Variants in AUTS2 observed in about 807,000 individuals in gnomAD.
The protein encoded by AUTS2 is activator of transcription and developmental regulator AUTS2.
In AUTS2, 17 loss-of-function variants were observed where a neutral mutation model predicts 112.4. The observed-to-expected ratio is 0.15, with a 90% CI of 0.10 to 0.23. AUTS2 has a LOEUF of 0.23. Among genes scored for constraint, AUTS2 ranks in the 10% least tolerant of loss-of-function variants. AUTS2 has a pLI of 1.00. For synonymous variants in AUTS2, 751 were observed against 702.7 expected (o/e 1.07, Z -1.09); for missense variants, 1,510 against 1,701.6 (o/e 0.89, Z 1.98).
At chr7:70,488,109 C>T (rs1798087000) in intron 5 of AUTS2, among the ~76,000 whole-genome samples, 1 of 152,222 alleles carries the variant, frequency 6.6e-6, no homozygotes, top group Non-Finnish European at 1.5e-5. Flanking sequence ...CTAGCAAGCT[C>T]ACAGGCAGCC....
intron 2 of AUTS2, among the ~76,000 whole-genome samples, chr7:70,114,460 C>T (rs762548549): frequency 1.3e-5 from 2 of 152,158 alleles, no homozygotes; most frequent in Non-Finnish European, 2.9e-5. Context: ...AGTTATGCTA[C>T]CCCAAACGAT....
chr7:69,774,360 A>G (rs1366394765), intron 1 of AUTS2, among the ~76,000 whole-genome samples: 1 of 152,218 alleles, frequency 6.6e-6, no homozygotes, highest in Non-Finnish European at 1.5e-5. Context: ...TGATTGTGCC[A>G]CTGTACTCCA....
At chr7:69,673,224 G>A (rs1796417024) in intron 1 of AUTS2, among the ~76,000 whole-genome samples, 2 of 152,274 alleles carry the variant, frequency 1.3e-5, no homozygotes, top group Admixed American at 1.3e-4. Context: ...CACAGAAGGA[G>A]ACTGTCTGGT....
At chr7:70,757,807 CTTTTT>C (rs3974412) in intron 6 of AUTS2, among the ~76,000 whole-genome samples, 3 of 60,526 alleles carry the variant, frequency 5.0e-5, no homozygotes, top group African/African-American at 1.3e-4. Flanking sequence ...TCCATGGCTT[CTTTTT>C]TTTTTTTTTT....
At chr7:70,319,624 G>C (rs1254421732) in intron 4 of AUTS2, among the ~76,000 whole-genome samples, 2 of 152,128 alleles carry the variant, frequency 1.3e-5, no homozygotes, top group Non-Finnish European at 2.9e-5. Context: ...AAACAAATTA[G>C]GGTCTCAGCC....
At chr7:70,750,565 T>A (rs536609928) in intron 6 of AUTS2, among the ~76,000 whole-genome samples, 3 of 152,016 alleles carry the variant, frequency 2.0e-5, no homozygotes, top group South Asian at 2.1e-4. Context: ...CATGCCCGGA[T>A]AACTTTTGTA....
chr7:70,587,912 C>T (rs944182857), intron 5 of AUTS2, among the ~76,000 whole-genome samples: 3 of 152,120 alleles, frequency 2.0e-5, no homozygotes, highest in Non-Finnish European at 4.4e-5. Flanking sequence ...CTACCAGGTG[C>T]CAGAACTGGA....
chr7:70,160,952 A>G (rs534596545), intron 4 of AUTS2, among the ~76,000 whole-genome samples: 1 of 152,152 alleles, frequency 6.6e-6, no homozygotes, highest in Admixed American at 6.5e-5. Flanking sequence ...ATTGCATGCA[A>G]ATTTCAACTC....
intron 1 of AUTS2, among the ~76,000 whole-genome samples, chr7:69,694,322 A>G (rs1047410486): frequency 2.6e-5 from 4 of 152,002 alleles, no homozygotes; most frequent in South Asian, 2.1e-4. Flanking sequence ...TTTTTTTTCT[A>G]CTTTTTAAAA....
intron 4 of AUTS2, among the ~76,000 whole-genome samples, chr7:70,260,661 T>C (rs117658709): frequency 0.014 from 2,071 of 152,156 alleles, 22 homozygotes; most frequent in Non-Finnish European, 0.021. Flanking sequence ...ATTTAAACGA[T>C]AGCATATATA....
intron 1 of AUTS2, among the ~76,000 whole-genome samples, chr7:69,693,352 C>A (rs772164242): frequency 1.3e-5 from 2 of 152,082 alleles, no homozygotes; most frequent in Non-Finnish European, 2.9e-5. Flanking sequence ...ATACTTGGTG[C>A]CAAAAGGAAA....
intron 1 of AUTS2, among the ~76,000 whole-genome samples, chr7:69,860,300 A>T (rs966395448): frequency 9.9e-5 from 15 of 152,154 alleles, no homozygotes; most frequent in Non-Finnish European, 2.1e-4. Flanking sequence ...CACCATGGTG[A>T]TATCTGAAGG....
At chr7:70,588,661 A>G (rs961323979) in intron 5 of AUTS2, among the ~76,000 whole-genome samples, 8 of 152,212 alleles carry the variant, frequency 5.3e-5, no homozygotes, top group Admixed American at 2.6e-4. Flanking sequence ...AAGACTGAAT[A>G]AAGTTTAGGA....
In AUTS2 at chr7:69,778,505, A is replaced by G. The variant is rs954456747; in HGVS notation, c.310-120781A>G. Reference sequence around the variant, plus strand: ...TTTTAAAGCTCCCCAGATAGTTGTAATGTGCAGTAAGGTTTGGGACTTACT... The same window carrying G: ...TTTTAAAGCTCCCCAGATAGTTGTAGTGTGCAGTAAGGTTTGGGACTTACT... On this transcript the variant is annotated intron_variant, in intron 1 of 18. Transcript: ENST00000342771. Among the ~76,000 whole-genome samples, 8 of 152,204 alleles carry G rather than the reference A, an allele frequency of 5.3e-5. 1 individual carries two copies. The highest frequency in any genetic ancestry group is 1.9e-4 in the African/African-American group (8 of 41,524).
At chr7:70,434,771 T>A (rs1324029423) in intron 4 of AUTS2, among the ~76,000 whole-genome samples, 1 of 152,172 alleles carries the variant, frequency 6.6e-6, no homozygotes, top group East Asian at 1.9e-4. Context: ...GAAGGCTCCT[T>A]TAGAGCCAGG....
intron 5 of AUTS2, among the ~76,000 whole-genome samples, chr7:70,613,579 CAGTA>C (rs1261087565): frequency 1.3e-5 from 2 of 152,088 alleles, no homozygotes; most frequent in Non-Finnish European, 2.9e-5. Flanking sequence ...TGGATGGCCT[CAGTA>C]AGTCCCACTG....
At chr7:69,889,748 G>A (rs1018176596) in intron 1 of AUTS2, among the ~76,000 whole-genome samples, 1 of 152,170 alleles carries the variant, frequency 6.6e-6, no homozygotes, top group African/African-American at 2.4e-5. Flanking sequence ...TAGTGGATTA[G>A]ATTTAAGTGG....
intron 2 of AUTS2, among the ~76,000 whole-genome samples, chr7:70,081,935 AGTGTGTGTGT>A (rs3049737): frequency 5.4e-5 from 8 of 146,880 alleles, no homozygotes; most frequent in East Asian, 2.0e-4. Flanking sequence ...TTCTGTGAAG[AGTGTGTGTGT>A]GTGTGTGTGT....
chr7:70,523,472 T>G (rs1407785029), intron 5 of AUTS2, among the ~76,000 whole-genome samples: 1 of 152,182 alleles, frequency 6.6e-6, no homozygotes, highest in Admixed American at 6.5e-5. Context: ...GAAGTGCAAG[T>G]GGTAAAGTTG....
Sources: allele counts gnomAD v4.1 joint callset (sites outside exome capture counted in the v4.1 genomes callset), GRCh38; gene constraint gnomAD v4.1.1; transcripts MANE v1.5; gene names NCBI Gene and HGNC (gene_info 2026-07-23, HGNC 2026-07-21).